The following ADGRD2 variants were observed in gnomAD, a reference collection of about 807,000 sequenced individuals.
The protein encoded by ADGRD2 is adhesion G protein-coupled receptor D2.
A neutral mutation model predicts 44.4 loss-of-function variants in ADGRD2; 71 were observed. That is an observed-to-expected ratio of 1.60 (90% CI 1.32 to 1.95). The LOEUF is 1.95. Ranked by LOEUF, ADGRD2 falls within the 30% of genes most tolerant of loss-of-function variation. ADGRD2 has a pLI of 0.00. For synonymous variants in ADGRD2, 481 were observed against 224.8 expected, an observed-to-expected ratio of 2.14 and a Z score of -10.19; for missense variants, 1,039 against 512.4, an observed-to-expected ratio of 2.03 and a Z score of -9.92.
At position 124,458,732 on chromosome 9, in the gene ADGRD2, G is replaced by T; in HGVS notation, c.1870+11G>T. ...CAGCACCGGGCCCAGGTACTGGGTG[G>T]CGCTTCTGGGAAGCAGCCATCCTGG... On this transcript the variant is annotated intron_variant, in intron 10 of 21. Transcript: ENST00000334810. 2 of 717,356 alleles carry T rather than the reference G, an allele frequency of 2.8e-6. No individual in the cohort carries two copies. The highest frequency in any genetic ancestry group is 5.2e-6 in the Non-Finnish European group (2 of 384,266). 44.4% of individuals were successfully genotyped at this position (717,356 alleles called of 1,614,324 possible). A position where few individuals can be genotyped will look rare whatever the true frequency, so the allele number is the denominator to read the frequency against.
intron 11 of ADGRD2, 117 bp downstream of exon 14, chr9:124,466,530 G>A (rs1293651451): frequency 7.0e-6 from 4 of 572,170 alleles, no homozygotes; most frequent in East Asian, 3.0e-5. Flanking sequence ...ATAGATTGTC[G>A]GGGACAGGGC....
intron 10 of ADGRD2, among the ~76,000 whole-genome samples, chr9:124,463,172 T>C (rs1264833395): frequency 6.6e-6 from 1 of 152,194 alleles, no homozygotes; most frequent in Non-Finnish European, 1.5e-5. Context: ...CTTCTCTTCC[T>C]GGTTTGCTGA....
chr9:124,452,545 G>A (rs755847925), exon 2 of ADGRD2: 6 of 718,458 alleles, frequency 8.4e-6, no homozygotes, highest in African/African-American at 1.7e-5. Flanking sequence ...GAAGACTGCA[G>A]GTGGGGTGTG....
intron 16 of ADGRD2, among the ~76,000 whole-genome samples, chr9:124,469,986 G>A (rs965948262): frequency 6.6e-6 from 1 of 152,150 alleles, no homozygotes; most frequent in Non-Finnish European, 1.5e-5. Context: ...GACCCGCATC[G>A]CCCTCTGGGG....
intron 10 of ADGRD2, among the ~76,000 whole-genome samples, chr9:124,461,978 C>T (rs1239955874): frequency 6.6e-6 from 1 of 152,120 alleles, no homozygotes. Context: ...AACTCCTGAC[C>T]TCAAGTGAGC....
intron 7 of ADGRD2, among the ~76,000 whole-genome samples, chr9:124,457,025 C>T (rs1334465515): frequency 2.0e-5 from 3 of 152,224 alleles, no homozygotes; most frequent in Non-Finnish European, 2.9e-5. Context: ...TTGAACATGT[C>T]TTTCATTGCA....
chr9:124,464,220 T>G (rs934512366), intron 10 of ADGRD2, among the ~76,000 whole-genome samples: 5 of 152,114 alleles, frequency 3.3e-5, no homozygotes, highest in Non-Finnish European at 7.3e-5. Flanking sequence ...GATGTGTTAC[T>G]CATTGTGACA....
upstream of ADGRD2, chr9:124,451,099 A>G: frequency 2.1e-6 from 1 of 472,294 alleles, no homozygotes; most frequent in Non-Finnish European, 4.4e-6. Context: ...CAGTCCAGGC[A>G]GGAGGGATGG....
intron 9 of ADGRD2, 141 bp from the exon 13 acceptor site, chr9:124,458,475 A>G: frequency 1.6e-6 from 1 of 628,528 alleles, no homozygotes; most frequent in South Asian, 1.9e-5. Context: ...CTAAGGCAAG[A>G]CTGAACCAGG....
chr9:124,451,780 C>T (rs1319692594), upstream of ADGRD2: 4 of 335,346 alleles, frequency 1.2e-5, no homozygotes, highest in African/African-American at 8.6e-5. Flanking sequence ...AAGTGGCCAT[C>T]CTTACCTCAT....
In ADGRD2 at chr9:124,453,023, G is replaced by T. The variant is rs765582649; in HGVS notation, c.282-12G>T. On this transcript the variant is annotated splice_polypyrimidine_tract_variant and intron_variant, in intron 2 of 21. Transcript: ENST00000334810. Reference sequence around the variant, plus strand: ...TGAGGAAACTGAGGTCGCAGCCCACGTGTCCCTGCAGGTGCGCGCACCACC... The same window carrying T: ...TGAGGAAACTGAGGTCGCAGCCCACTTGTCCCTGCAGGTGCGCGCACCACC... 1 of 645,456 alleles carries T rather than the reference G, an allele frequency of 1.5e-6. No homozygotes were observed. The highest frequency in any genetic ancestry group is 2.8e-6 in the Non-Finnish European group (1 of 356,726). 40.0% of individuals were successfully genotyped at this position (645,456 alleles called of 1,614,324 possible).
At chr9:124,469,193 G>A (rs1831892209) in intron 14 of ADGRD2, 29 bp from the exon 18 acceptor site, 2 of 697,166 alleles carry the variant, frequency 2.9e-6, no homozygotes, top group East Asian at 5.4e-5. Context: ...AGGTGACCCA[G>A]CCTTGAGGCC....
intron 17 of ADGRD2, among the ~76,000 whole-genome samples, chr9:124,472,507 G>A (rs2131258402): frequency 2.0e-5 from 3 of 151,120 alleles, no homozygotes; most frequent in African/African-American, 7.3e-5. Flanking sequence ...GTTTTGTTTT[G>A]TTTTGTTTTG....
intron 6 of ADGRD2, among the ~76,000 whole-genome samples, chr9:124,455,922 T>A (rs1018813658): frequency 1.3e-5 from 2 of 152,060 alleles, no homozygotes; most frequent in Non-Finnish European, 2.9e-5. Context: ...GCAAACCTGG[T>A]CCCCCTGTGG....
intron 10 of ADGRD2, among the ~76,000 whole-genome samples, chr9:124,461,549 T>C (rs1281933279): frequency 6.6e-6 from 1 of 152,180 alleles, no homozygotes; most frequent in African/African-American, 2.4e-5. Flanking sequence ...TTTGCTCCCA[T>C]TGAATTTTCT....
exon 15 of ADGRD2, chr9:124,469,274 C>T (rs758745872): frequency 1.7e-5 from 12 of 717,652 alleles, no homozygotes; most frequent in South Asian, 7.4e-5. Context: ...CCCATGACTA[C>T]GTGGCCCCCG....
intron 10 of ADGRD2, among the ~76,000 whole-genome samples, chr9:124,462,095 T>C (rs947189055): frequency 1.4e-4 from 22 of 152,102 alleles, no homozygotes; most frequent in Non-Finnish European, 1.5e-5. Context: ...TCTCATTTTG[T>C]TGCCCAGGCT....
intron 3 of ADGRD2, 88 bp from the exon 7 acceptor site, chr9:124,453,911 T>C (rs1588599589): frequency 2.4e-6 from 1 of 422,040 alleles, no homozygotes; most frequent in African/African-American, 2.1e-5. Context: ...CTCTCTCAGG[T>C]TTCACATTGC....
At chr9:124,466,616 C>T (rs1387534865) in intron 11 of ADGRD2, 3 of 391,230 alleles carry the variant, frequency 7.7e-6, no homozygotes, top group Admixed American at 4.2e-5. Context: ...TCAAGACCAG[C>T]CTGGGCAACA....
Sources: allele counts gnomAD v4.1 joint callset (sites outside exome capture counted in the v4.1 genomes callset), GRCh38; gene constraint gnomAD v4.1.1; transcripts MANE v1.5; gene names NCBI Gene and HGNC (gene_info 2026-07-23, HGNC 2026-07-21).